Variants in DPP6 observed in about 807,000 individuals in gnomAD.
The protein encoded by DPP6 is dipeptidyl peptidase like 6.
In DPP6, 69 loss-of-function variants were observed where a neutral mutation model predicts 122.6. The ratio of observed to expected loss-of-function variants is 0.56; its 90% CI spans 0.46 to 0.69. The LOEUF (loss-of-function observed/expected upper bound fraction) is 0.69, where lower values mean the gene tolerates loss of function less well. DPP6 is among the 30% of genes least tolerant of loss of function. DPP6 has a pLI of 0.00. For missense variants in DPP6, 928 were observed against 1,116.9 expected (o/e 0.83, Z 2.41); for synonymous variants, 418 against 433.1 (o/e 0.97, Z 0.43).
chr7:154,546,774 G>C (rs1266093089), intron 4 of DPP6, among the ~76,000 whole-genome samples: 1 of 152,160 alleles, frequency 6.6e-6, no homozygotes, highest in Non-Finnish European at 1.5e-5. Flanking sequence ...AAAATAAGAA[G>C]AACAAATAAT....
chr7:154,859,099 G>A (rs1488269459), intron 17 of DPP6, among the ~76,000 whole-genome samples: 6 of 152,222 alleles, frequency 3.9e-5, no homozygotes, highest in East Asian at 1.9e-4. Flanking sequence ...TGGCCTTCAC[G>A]TCGCTGCCAT....
chr7:153,795,139 CG>C, the DPP6 span, among the ~76,000 whole-genome samples: 1 of 152,134 alleles, frequency 6.6e-6, no homozygotes, highest in Non-Finnish European at 1.5e-5. Context: ...AGAATCTGGC[CG>C]GTGCAGTGGC....
At chr7:153,824,653 T>A in the DPP6 span, among the ~76,000 whole-genome samples, 40 of 151,246 alleles carry the variant, frequency 2.6e-4, no homozygotes, top group East Asian at 7.7e-3. Flanking sequence ...CATTGCACTC[T>A]AGTCTGGGTA....
At chr7:153,931,666 A>G (rs1801177259) in intron 1 of DPP6, among the ~76,000 whole-genome samples, 1 of 152,254 alleles carries the variant, frequency 6.6e-6, no homozygotes, top group African/African-American at 2.4e-5. Context: ...TTTCTGTGAT[A>G]CCCTGAGTAC....
chr7:153,953,726 G>A (rs1335514204), intron 1 of DPP6, among the ~76,000 whole-genome samples: 1 of 152,198 alleles, frequency 6.6e-6, no homozygotes, highest in South Asian at 2.1e-4. Context: ...CCAGAGAAAA[G>A]GAACTAATAG....
At chr7:154,321,992 T>C (rs937920892) in intron 1 of DPP6, among the ~76,000 whole-genome samples, 1 of 151,906 alleles carries the variant, frequency 6.6e-6, no homozygotes, top group Non-Finnish European at 1.5e-5. Flanking sequence ...GGGCACTCTA[T>C]TGCCCTCATA....
At chr7:154,087,971 G>C (rs1804545970) in intron 1 of DPP6, among the ~76,000 whole-genome samples, 1 of 152,192 alleles carries the variant, frequency 6.6e-6, no homozygotes, top group Admixed American at 6.5e-5. Flanking sequence ...GCACAGACCT[G>C]CTGCAGAGCC....
At chr7:154,364,168 A>G (rs1179443825) in intron 1 of DPP6, among the ~76,000 whole-genome samples, 1 of 152,210 alleles carries the variant, frequency 6.6e-6, no homozygotes, top group Non-Finnish European at 1.5e-5. Context: ...CAAACAAATC[A>G]AACTCATCAT....
At chr7:154,432,809 C>T (rs923483632) in intron 1 of DPP6, among the ~76,000 whole-genome samples, 1 of 152,166 alleles carries the variant, frequency 6.6e-6, no homozygotes, top group Admixed American at 6.5e-5. Context: ...AATGATGTCA[C>T]TGGTCACCCA....
chr7:154,723,832 C>T (rs996351641), intron 7 of DPP6, among the ~76,000 whole-genome samples: 1 of 152,132 alleles, frequency 6.6e-6, no homozygotes, highest in Admixed American at 6.5e-5. Flanking sequence ...GGTTTGATCC[C>T]CACTCTTGGT....
At chr7:154,232,486 A>C (rs760070976) in intron 1 of DPP6, among the ~76,000 whole-genome samples, 20 of 152,170 alleles carry the variant, frequency 1.3e-4, no homozygotes, top group Non-Finnish European at 2.5e-4. Flanking sequence ...TCTGGATTGG[A>C]ATGGTGTTAA....
the DPP6 span, among the ~76,000 whole-genome samples, chr7:153,853,079 T>G: frequency 6.6e-6 from 1 of 152,206 alleles, no homozygotes; most frequent in Non-Finnish European, 1.5e-5. Context: ...GATACAGCTC[T>G]GTTGTTTCAG....
At chr7:154,305,336 A>AGGG in intron 1 of DPP6, 46 of 362,030 alleles carry the variant, frequency 1.3e-4, no homozygotes, top group Middle Eastern at 1.2e-3. Context: ...CGTCTTGTCT[A>AGGG]CCCACCCTCC....
intron 7 of DPP6, among the ~76,000 whole-genome samples, chr7:154,683,044 A>G (rs533482497): frequency 6.6e-6 from 1 of 152,214 alleles, no homozygotes; most frequent in Non-Finnish European, 1.5e-5. Flanking sequence ...AAAAAAAGTT[A>G]GCAAATTAGT....
At chr7:154,610,959 C>A (rs1488927) in intron 5 of DPP6, among the ~76,000 whole-genome samples, 1 of 152,006 alleles carries the variant, frequency 6.6e-6, no homozygotes, top group Non-Finnish European at 1.5e-5. Context: ...ATCATCTTTC[C>A]TCACTCTCAG....
At chr7:154,584,609 A>C (rs1056962067) in intron 5 of DPP6, among the ~76,000 whole-genome samples, 2 of 152,206 alleles carry the variant, frequency 1.3e-5, no homozygotes, top group African/African-American at 4.8e-5. Flanking sequence ...GTCGCTCGGG[A>C]CGCCCATCCT....
chr7:153,773,009 CAT>C, the DPP6 span, among the ~76,000 whole-genome samples: 47,395 of 129,354 alleles, frequency 0.37, 8,580 homozygotes, highest in Middle Eastern at 0.51. Context: ...AAAGAAAAGA[CAT>C]ATATTATATA....
intron 1 of DPP6, among the ~76,000 whole-genome samples, chr7:153,906,151 A>G (rs1799841803): frequency 1.3e-5 from 2 of 152,248 alleles, no homozygotes; most frequent in South Asian, 4.1e-4. Context: ...GGCAAATACC[A>G]CTAGCTAAGA....
chr7:154,331,316 T>A (rs1189109222), intron 1 of DPP6, among the ~76,000 whole-genome samples: 1 of 152,172 alleles, frequency 6.6e-6, no homozygotes, highest in Non-Finnish European at 1.5e-5. Flanking sequence ...GATGTAAGAT[T>A]TATTTTTCTC....
Sources: gnomAD v4.1 joint callset for allele counts (sites outside exome capture counted in the v4.1 genomes callset) on GRCh38, gnomAD v4.1.1 for gene constraint, MANE v1.5 for transcripts, NCBI Gene and HGNC (gene_info 2026-07-23, HGNC 2026-07-21) for gene names.